The following MEF2D variants were observed in gnomAD, a reference collection of about 807,000 sequenced individuals.
MEF2D encodes the protein myocyte enhancer factor 2D.
Under a neutral mutation model 59.3 loss-of-function variants are expected in MEF2D, and 10 were observed. The ratio of observed to expected loss-of-function variants is 0.17; its 90% confidence interval spans 0.10 to 0.29. The LOEUF is 0.29. MEF2D is among the 10% of genes least tolerant of loss of function. The pLI, the probability that MEF2D is intolerant of heterozygous loss-of-function variation, is 1.00. For synonymous variants in MEF2D, 305 were observed against 295.0 expected (o/e 1.03, Z -0.35); for missense variants, 508 against 699.4 (o/e 0.73, Z 3.09).
chr1:156,475,061 T>C (rs2102043034), intron 9 of MEF2D, 47 bp downstream of exon 9: 1 of 1,612,596 alleles, frequency 6.2e-7, no homozygotes, highest in African/African-American at 1.3e-5. Context: ...GTCACTTGCC[T>C]GCCCCAAGCC....
chr1:156,479,327 G>T lies in MEF2D; in HGVS notation c.627C>A (p.Asp209Glu). 1 of 1,612,332 alleles carries T rather than the reference G, an allele frequency of 6.2e-7. No individual in the cohort carries two copies. Among genetic ancestry groups the T allele is most frequent in the Non-Finnish European group, 8.5e-7 (1 of 1,179,458 alleles). ...PASAGAMLGG[D>E]LNSANGACPS... ...GGCAGGCTCCGTTAGCACTGTTCAG[G>T]TCACCCCCCAGCATGGCCCCTGGAG... Residue 209 changes from aspartate to glutamate, a missense_variant, in exon 6 of 12, where the codon GAC becomes GAA. Physicochemically the swap from Asp to Glu is conservative, Grantham distance 45. This residue lies in a region of MEF2D where 481 missense variants were observed against 584.7 expected (regional missense o/e 0.82). Coordinates refer to ENST00000348159, the MANE Select transcript of MEF2D (RefSeq NM_005920.4).
intron 8 of MEF2D, 74 bp from the exon 9 acceptor site, chr1:156,475,311 C>T (rs1446870765): frequency 3.4e-6 from 5 of 1,482,778 alleles, no homozygotes; most frequent in Non-Finnish European, 4.5e-6. Flanking sequence ...ATCCCAAGGC[C>T]AAGGTGGGGT....
intron 1 of MEF2D, among the ~76,000 whole-genome samples, chr1:156,492,287 T>C (rs138946787): frequency 6.6e-6 from 1 of 152,284 alleles, no homozygotes; most frequent in East Asian, 1.9e-4. Flanking sequence ...GGACAGCAGG[T>C]AGGACAGATA....
chr1:156,479,345 C>T lies in MEF2D; in HGVS notation c.609G>A (p.Gly203=), dbSNP rs1472528707. The change falls in exon 6 of 12, where the codon GGG becomes GGA. Residue 203 remains glycine, a splice_region_variant and synonymous_variant. Transcript: ENST00000348159. ...PGLPQRPASA[G]AMLGGDLNSA... is the part of the protein sequence containing the mutation. ...TGTTCAGGTCACCCCCCAGCATGGC[C>T]CCTGGAGGAAAAACAGAACCAGGAT... 5.6e-6 allele frequency: 9 copies of T among 1,612,016 alleles called. No homozygotes were observed. The Admixed American group carries it at 1.5e-4, about 27-fold the overall frequency.
intron 3 of MEF2D, among the ~76,000 whole-genome samples, chr1:156,481,317 TG>T (rs1206965280): frequency 6.6e-6 from 1 of 152,138 alleles, no homozygotes; most frequent in Non-Finnish European, 1.5e-5. Flanking sequence ...GCTGGTGCCA[TG>T]GATCAGTCCC....
Position 156,498,114 on chromosome 1 carries a change from A to AC in MEF2D, c.-139+2371_-139+2372insG, listed in dbSNP as rs1238831548. Among the ~76,000 whole-genome samples, 16 of 150,856 alleles carry AC rather than the reference A, an allele frequency of 1.1e-4. No individual in the cohort carries two copies. The East Asian group carries it at 3.1e-3, about 29-fold the overall frequency. On this transcript the variant is annotated intron_variant, in intron 1 of 11. Transcript: ENST00000348159. Reference sequence around the variant, plus strand: ...CCCAGGAAAGATTAAAAAAAAAAAAAAAAAAAAAAAAAACCCTGCTACAGA... The same window carrying AC: ...CCCAGGAAAGATTAAAAAAAAAAAAACAAAAAAAAAAAAACCCTGCTACAGA...
Position 156,468,908 on chromosome 1 carries a change from C to A in MEF2D, c.1119G>T (p.Pro373=). Residue 373 remains proline (P), a synonymous_variant, in exon 10 of 12, where the codon CCG becomes CCT. Coordinates refer to ENST00000348159, the MANE Select transcript of MEF2D (RefSeq NM_005920.4). The surrounding 1 kb of genome is among the most constrained non-coding windows in gnomAD (Gnocchi z 4.3). ...GCTGCTGTGGAGGCTGTGGCTGCTGCGGCTGCTGGGGCTGCTGTGGCTGTT... is the reference window on the plus strand; with the variant it reads ...GCTGCTGTGGAGGCTGTGGCTGCTGAGGCTGCTGGGGCTGCTGTGGCTGTT... ...AWQQPQQPQQ[P]QQPQPPQQQP... 6.2e-7 allele frequency: 1 copy of A among 1,613,344 alleles called. No homozygotes were observed. Among genetic ancestry groups the A allele is most frequent in the Non-Finnish European group, 8.5e-7 (1 of 1,179,658 alleles).
rs574607089 is a variant in MEF2D at position 156,467,572 on chromosome 1, G to T, written c.*73C>A. On this transcript the variant is annotated 3_prime_UTR_variant, in exon 12 of 12. Transcript: ENST00000348159. ...AGTGGGGGTCGAGCGGGAGGAGCCC[G>T]GGGCAGGGAAGGGCGGGCGGTGAGA... The T allele has an allele frequency of 4.0e-6, 5 of 1,258,092 alleles. No homozygotes were observed. The highest frequency in any genetic ancestry group is 4.1e-6 in the Non-Finnish European group (4 of 971,290). The allele number at this position is 1,258,092 out of a possible 1,614,324, so 77.9% of individuals were successfully genotyped here.
chr1:156,499,548 C>G (rs1167722453), intron 1 of MEF2D: 1 of 152,168 alleles, frequency 6.6e-6, no homozygotes, highest in African/African-American at 2.4e-5. Flanking sequence ...CCCCATCCCC[C>G]TAAGACCCGA....
intron 1 of MEF2D, among the ~76,000 whole-genome samples, chr1:156,489,952 T>C (rs1311910395): frequency 6.6e-6 from 1 of 152,080 alleles, no homozygotes; most frequent in Non-Finnish European, 1.5e-5. Flanking sequence ...CCCTGGGACC[T>C]CCTCCCTAGT....
chr1:156,478,532 T>A (rs1250918852), intron 6 of MEF2D, among the ~76,000 whole-genome samples: 1 of 152,112 alleles, frequency 6.6e-6, no homozygotes, highest in Non-Finnish European at 1.5e-5. Context: ...TTCTGTGGCT[T>A]ATTTTTTTAT....
chr1:156,476,852 CT>C, intron 7 of MEF2D, 159 bp downstream of exon 7: 1 of 885,150 alleles, frequency 1.1e-6, no homozygotes, highest in Non-Finnish European at 1.7e-6. Flanking sequence ...AAAAGGCCCT[CT>C]GGGAAGAAAA....
At chr1:156,470,252 TC>T (rs1463361117) in intron 9 of MEF2D, among the ~76,000 whole-genome samples, 1 of 152,042 alleles carries the variant, frequency 6.6e-6, no homozygotes, top group Non-Finnish European at 1.5e-5. Flanking sequence ...AAACCCCATC[TC>T]TATTAAAAAT....
At chr1:156,474,975 G>C (rs1179124046) in intron 9 of MEF2D, 133 bp downstream of exon 9, 1 of 1,271,218 alleles carries the variant, frequency 7.9e-7, no homozygotes, top group African/African-American at 1.5e-5. Context: ...TTAACCATAA[G>C]TAGGTGGGGG....
Position 156,467,637 on chromosome 1 carries a change from G to A in MEF2D, c.*8C>T. On this transcript the variant is annotated 3_prime_UTR_variant, in exon 12 of 12. Transcript: ENST00000348159. ...TCAGGGAGGCTGAGAGGAGGGGAGT[G>A]GGAATCGTCACTTTAATGTCTGTGA... is the stretch of plus-strand genomic sequence containing the variant. The A allele has an allele frequency of 2.3e-6, 3 of 1,321,560 alleles. No individual in the cohort carries two copies. The highest frequency in any genetic ancestry group is 1.9e-6 in the Non-Finnish European group (2 of 1,026,508). The allele number at this position is 1,321,560 out of a possible 1,614,324, so 81.9% of individuals were successfully genotyped here.
At chr1:156,480,600 C>T (rs1053720386) in intron 4 of MEF2D, 1 of 1,518,712 alleles carries the variant, frequency 6.6e-7, no homozygotes, top group Non-Finnish European at 8.9e-7. Context: ...CGCGAAGCCA[C>T]ACCATGCACC....
intron 11 of MEF2D, 85 bp from the exon 12 acceptor site, chr1:156,467,741 G>A (rs1670947567): frequency 7.5e-7 from 1 of 1,335,570 alleles, no homozygotes; most frequent in African/African-American, 1.5e-5. Context: ...CTCCCCATAG[G>A]GCCAGGATTC....
rs540016164 is a variant in MEF2D, at chr1:156,479,610, G to A, written c.583C>T (p.Leu195=). The change falls in exon 5 of 12, where the codon CTG becomes TTG. Residue 195 remains leucine (L), a synonymous_variant. Transcript: ENST00000348159. ...CCCGCACTAGCTGGCCGCTGGGGCA[G>A]GCCAGGAGACACACTGTTCCTCTGT... ...ALQRNSVSPG[L]PQRPASAGAM... The A allele has an allele frequency of 1.9e-4, 294 of 1,552,246 alleles. 2 individuals carry two copies. In the South Asian group the frequency reaches 3.4e-3, roughly 18 times the overall value.
intron 2 of MEF2D, 98 bp downstream of exon 2, chr1:156,483,141 C>T (rs1450098243): frequency 7.9e-7 from 1 of 1,265,152 alleles, no homozygotes; most frequent in African/African-American, 1.5e-5. Flanking sequence ...TATAGTTTCC[C>T]CTCTTCCACA....
Sources: allele counts gnomAD v4.1 joint callset (sites outside exome capture counted in the v4.1 genomes callset), GRCh38; gene constraint gnomAD v4.1.1; regional missense constraint gnomAD v4.1.1; non-coding constraint Gnocchi (gnomAD v3.1); transcripts MANE v1.5; gene names NCBI Gene and HGNC (gene_info 2026-07-23, HGNC 2026-07-21).